Variants in LDB2 observed in about 807,000 individuals in gnomAD.
LDB2 encodes LIM domain-binding protein 2.
LDB2 carries 12 observed loss-of-function variants against 44.3 expected under a neutral mutation model. The observed-to-expected ratio is 0.27, with a 90% CI of 0.17 to 0.44. The LOEUF is 0.44. Among genes scored for constraint, LDB2 ranks in the 20% least tolerant of loss-of-function variants. The pLI is 1.00. For synonymous variants in LDB2, 164 were observed against 174.8 expected, an observed-to-expected ratio of 0.94 and a Z score of 0.49; for missense variants, 344 against 473.5, an observed-to-expected ratio of 0.73 and a Z score of 2.54.
intron 2 of LDB2, among the ~76,000 whole-genome samples, chr4:16,732,942 G>A (rs1005175149): frequency 1.3e-5 from 2 of 152,124 alleles, no homozygotes; most frequent in Non-Finnish European, 2.9e-5. Flanking sequence ...TTAAGGTCGG[G>A]GGAAAGGCAT....
intron 1 of LDB2, among the ~76,000 whole-genome samples, chr4:16,800,761 G>A (rs189424149): frequency 0.012 from 1,839 of 152,236 alleles, 21 homozygotes; most frequent in Non-Finnish European, 0.017. Flanking sequence ...TGCCAGCTCC[G>A]CCTCCCAGGT....
At chr4:16,766,468 A>G (rs1974588) in intron 1 of LDB2, among the ~76,000 whole-genome samples, 7,498 of 41,242 alleles carry the variant, frequency 0.18, 377 homozygotes, top group South Asian at 0.45. Flanking sequence ...ACACACATAT[A>G]TGTGTGTGTG....
chr4:16,786,298 G>A (rs368093778), intron 1 of LDB2, among the ~76,000 whole-genome samples: 44 of 152,178 alleles, frequency 2.9e-4, no homozygotes, highest in Non-Finnish European at 4.4e-4. Context: ...TGCTGTAGTC[G>A]GCATCGTTAT....
At chr4:16,583,051 A>G (rs1334682111) in intron 5 of LDB2, among the ~76,000 whole-genome samples, 1 of 152,206 alleles carries the variant, frequency 6.6e-6, no homozygotes, top group African/African-American at 2.4e-5. Flanking sequence ...CACAATGTCC[A>G]CAGCTCGGCC....
chr4:16,735,579 A>AC (rs571510213), intron 2 of LDB2, among the ~76,000 whole-genome samples: 195 of 151,326 alleles, frequency 1.3e-3, no homozygotes, highest in African/African-American at 4.4e-3. Flanking sequence ...CAGAAAAAAA[A>AC]ACAGCAATTT....
chr4:16,669,410 A>G (rs1317895906), intron 2 of LDB2, among the ~76,000 whole-genome samples: 7 of 152,026 alleles, frequency 4.6e-5, no homozygotes, highest in Non-Finnish European at 7.4e-5. Context: ...GCCAGGCCAC[A>G]TGGCTGATTC....
chr4:16,740,351 A>C (rs1052963935), intron 2 of LDB2, among the ~76,000 whole-genome samples: 1 of 152,218 alleles, frequency 6.6e-6, no homozygotes, highest in Non-Finnish European at 1.5e-5. Flanking sequence ...TGCCCTAAAC[A>C]GGCCACATGC....
intron 2 of LDB2, among the ~76,000 whole-genome samples, chr4:16,729,748 T>C (rs1195281949): frequency 6.6e-6 from 1 of 152,214 alleles, no homozygotes. Context: ...GGTTATCATT[T>C]CTGATCCTTT....
intron 2 of LDB2, among the ~76,000 whole-genome samples, chr4:16,609,657 T>G (rs772225208): frequency 7.9e-5 from 12 of 152,124 alleles, no homozygotes; most frequent in Non-Finnish European, 1.8e-4. Context: ...CTGCAGGATC[T>G]CCAATAACTC....
At chr4:16,859,636 G>A (rs940485879) in intron 1 of LDB2, among the ~76,000 whole-genome samples, 1 of 152,156 alleles carries the variant, frequency 6.6e-6, no homozygotes, top group Non-Finnish European at 1.5e-5. Flanking sequence ...TTGACTCAGA[G>A]ACTCAGTACA....
chr4:16,836,921 AATTT>A (rs1784974009), intron 1 of LDB2, among the ~76,000 whole-genome samples: 2 of 152,200 alleles, frequency 1.3e-5, no homozygotes, highest in African/African-American at 4.8e-5. Context: ...AAATCTCTAG[AATTT>A]AATTCTGGAG....
At chr4:16,669,301 G>T (rs1439111034) in intron 2 of LDB2, among the ~76,000 whole-genome samples, 1 of 152,078 alleles carries the variant, frequency 6.6e-6, no homozygotes, top group African/African-American at 2.4e-5. Context: ...GTGCTGTTCT[G>T]CCTGCACTAG....
At chr4:16,785,077 T>C (rs561936370) in intron 1 of LDB2, among the ~76,000 whole-genome samples, 13 of 152,252 alleles carry the variant, frequency 8.5e-5, no homozygotes, top group Admixed American at 7.2e-4. Context: ...TCAAGTTATT[T>C]ATATAGGTAT....
intron 2 of LDB2, among the ~76,000 whole-genome samples, chr4:16,646,764 C>G (rs1162935574): frequency 6.6e-6 from 1 of 152,166 alleles, no homozygotes; most frequent in African/African-American, 2.4e-5. Context: ...GACCATCAAA[C>G]AGCAAAAAGG....
chr4:16,887,867 C>G (rs1005171930), intron 1 of LDB2, among the ~76,000 whole-genome samples: 6 of 151,786 alleles, frequency 4.0e-5, no homozygotes, highest in African/African-American at 1.5e-4. Flanking sequence ...CTATTGAATT[C>G]TTCAATAGGA....
chr4:16,659,672 TATATATA>T (rs1740970323), intron 2 of LDB2, among the ~76,000 whole-genome samples: 1 of 34,270 alleles, frequency 2.9e-5, no homozygotes, highest in Admixed American at 5.0e-4. Flanking sequence ...TCTATGTGTG[TATATATA>T]TATATATATA....
chr4:16,851,069 G>C (rs16894087), intron 1 of LDB2, among the ~76,000 whole-genome samples: 77 of 151,644 alleles, frequency 5.1e-4, no homozygotes, highest in African/African-American at 1.9e-3. Context: ...CCACAATTAT[G>C]AGGGTCAGTG....
chr4:16,562,648 G>A (rs970036538), intron 5 of LDB2, among the ~76,000 whole-genome samples: 1 of 152,214 alleles, frequency 6.6e-6, no homozygotes, highest in African/African-American at 2.4e-5. Context: ...CATTGTGGAA[G>A]TCAGTGTGGC....
intron 2 of LDB2, among the ~76,000 whole-genome samples, chr4:16,702,277 T>A (rs570282954): frequency 2.6e-5 from 4 of 152,332 alleles, no homozygotes; most frequent in African/African-American, 9.6e-5. Context: ...AATATTCAAG[T>A]TCCAACACTT....
Sources: gnomAD v4.1 joint callset for allele counts (sites outside exome capture counted in the v4.1 genomes callset) on GRCh38, gnomAD v4.1.1 for gene constraint, MANE v1.5 for transcripts, NCBI Gene and HGNC (gene_info 2026-07-23, HGNC 2026-07-21) for gene names.